The following USP15 variants were observed in gnomAD, a reference collection of about 807,000 sequenced individuals.
USP15 encodes the protein ubiquitin carboxyl-terminal hydrolase 15.
Under a neutral mutation model 127.1 loss-of-function variants are expected in USP15, and 18 were observed. The ratio of observed to expected loss-of-function variants is 0.14; its 90% confidence interval spans 0.10 to 0.21. The LOEUF (loss-of-function observed/expected upper bound fraction) is 0.21. Among genes scored for constraint, USP15 ranks in the 10% least tolerant of loss-of-function variants. USP15 has a pLI of 1.00. For missense variants in USP15, 805 were observed against 1,159.9 expected (o/e 0.69, Z 4.44); for synonymous variants, 364 against 393.7 (o/e 0.92, Z 0.89).
chr12:62,337,329 GAA>G (rs1268291173), intron 6 of USP15, among the ~76,000 whole-genome samples: 1 of 152,062 alleles, frequency 6.6e-6, no homozygotes, highest in African/African-American at 2.4e-5. Flanking sequence ...ATTTACAAAA[GAA>G]AGAGGTTTAT....
chr12:62,358,566 AT>A (rs1158520358), intron 8 of USP15, among the ~76,000 whole-genome samples: 1 of 152,056 alleles, frequency 6.6e-6, no homozygotes, highest in Non-Finnish European at 1.5e-5. Flanking sequence ...AAATACAAAA[AT>A]TAGCCGGGCA....
chr12:62,299,548 C>G (rs2064242590), intron 2 of USP15, among the ~76,000 whole-genome samples: 1 of 152,170 alleles, frequency 6.6e-6, no homozygotes, highest in African/African-American at 2.4e-5. Flanking sequence ...TGCACATTTA[C>G]TTTATGCACT....
intron 8 of USP15, among the ~76,000 whole-genome samples, chr12:62,370,614 C>G (rs1300017068): frequency 6.6e-6 from 1 of 152,190 alleles, no homozygotes; most frequent in Non-Finnish European, 1.5e-5. Flanking sequence ...GTTATCATTA[C>G]TGTTGTCATG....
At chr12:62,335,863 G>T (rs150333027) in intron 6 of USP15, 1 of 985,318 alleles carries the variant, frequency 1.0e-6, no homozygotes, top group African/African-American at 1.7e-5. Context: ...ATCTTCTAAA[G>T]AAATTCTCTG....
intron 6 of USP15, among the ~76,000 whole-genome samples, chr12:62,332,908 A>G (rs1353708533): frequency 6.6e-6 from 1 of 152,114 alleles, no homozygotes; most frequent in Non-Finnish European, 1.5e-5. Context: ...GCTTGGAGAG[A>G]GGAAGAACTT....
In USP15 at chr12:62,408,109, TTATAAAA is replaced by T. The variant is rs2067931713; in HGVS notation, c.*3737_*3743del. 1 of 152,106 alleles carries T rather than the reference TTATAAAA, an allele frequency of 6.6e-6. No homozygotes were observed. Among genetic ancestry groups the T allele is most frequent in the Non-Finnish European group, 1.5e-5 (1 of 68,026 alleles). 9.4% of individuals were successfully genotyped at this position (152,106 alleles called of 1,614,324 possible). ...CTAATTTGATTGAAGTGAGTTTATC[TTATAAAA>T]TAAGCCGGGAGACTGAAATGGAGTC... On this transcript the variant is annotated 3_prime_UTR_variant, in exon 22 of 22. Transcript: ENST00000280377.
At position 62,409,095 on chromosome 12, in the gene USP15, A is replaced by C. The variant is rs2067971422; in HGVS notation, c.*4720A>C. On this transcript the variant is annotated 3_prime_UTR_variant, in exon 22 of 22. Transcript: ENST00000280377. ...ACTAATGATGGGGTAAAGAATTTTT[A>C]AATGGATAATATAAAACAGACAGTT... The C allele has an allele frequency of 6.6e-6, 1 of 152,202 alleles. No homozygotes were observed. The highest frequency in any genetic ancestry group is 1.5e-5 in the Non-Finnish European group (1 of 68,020). 9.4% of individuals were successfully genotyped at this position (152,202 alleles called of 1,614,324 possible).
intron 6 of USP15, among the ~76,000 whole-genome samples, chr12:62,342,595 G>A (rs184802414): frequency 1.1e-4 from 17 of 152,138 alleles, no homozygotes; most frequent in Non-Finnish European, 1.6e-4. Context: ...TTTTTATTGG[G>A]GGGTCTTTTT....
At chr12:62,310,402 G>A (rs2137232566) in intron 3 of USP15, among the ~76,000 whole-genome samples, 2 of 151,698 alleles carry the variant, frequency 1.3e-5, no homozygotes, top group East Asian at 3.9e-4. Flanking sequence ...ATCCTTCCCA[G>A]TGTCTGTTAT....
intron 6 of USP15, chr12:62,335,242 G>A: frequency 6.5e-7 from 1 of 1,534,196 alleles, no homozygotes; most frequent in East Asian, 2.4e-5. Flanking sequence ...AAGGGCTCTG[G>A]TTATCATCCA....
chr12:62,387,492 A>G (rs2067189303), intron 11 of USP15, among the ~76,000 whole-genome samples: 1 of 152,200 alleles, frequency 6.6e-6, no homozygotes. Context: ...GAATATGATC[A>G]CAGCAATAGA....
intron 1 of USP15, among the ~76,000 whole-genome samples, chr12:62,289,739 T>TG: frequency 1.5e-5 from 1 of 65,360 alleles, no homozygotes; most frequent in Admixed American, 1.4e-4. Flanking sequence ...GTGTGTGTGT[T>TG]TAGACAGCAG....
intron 20 of USP15, among the ~76,000 whole-genome samples, chr12:62,400,234 T>G (rs923787061): frequency 4.6e-5 from 7 of 152,174 alleles, no homozygotes; most frequent in African/African-American, 1.2e-4. Context: ...TTAAAAATTA[T>G]GTGGATTAAT....
At chr12:62,350,152 A>C (rs2065926253) in intron 7 of USP15, among the ~76,000 whole-genome samples, 1 of 151,926 alleles carries the variant, frequency 6.6e-6, no homozygotes. Flanking sequence ...CTAATCAAAA[A>C]TTTTAGTATT....
At position 62,343,519 on chromosome 12, in the gene USP15, G is replaced by A. The variant is rs140128081; in HGVS notation, c.684-5702G>A. ...CAAACAGCCACCCAGTTTTGTGCTTGAAACCCAGGGCCCTGGTGGTGTAGG... is the reference window on the plus strand; with the variant it reads ...CAAACAGCCACCCAGTTTTGTGCTTAAAACCCAGGGCCCTGGTGGTGTAGG... On this transcript the variant is annotated intron_variant, in intron 6 of 21. Transcript: ENST00000280377. Among the ~76,000 whole-genome samples the A allele has an allele frequency of 1.1e-3, 172 of 152,326 alleles. 1 individual carries two copies. The East Asian group carries it at 0.02, about 17-fold the overall frequency.
Position 62,370,244 on chromosome 12 carries a change from T to A in USP15, c.916-11246T>A, listed in dbSNP as rs564777297. Among the ~76,000 whole-genome samples, 3 of 152,320 alleles carry A rather than the reference T, an allele frequency of 2.0e-5. No homozygotes were observed. The East Asian group carries it at 5.8e-4, about 29-fold the overall frequency. On this transcript the variant is annotated intron_variant, in intron 8 of 21. Transcript: ENST00000280377. ...CCACGCCTGGCCTTGTTTTATACTTTTAACCTCACCTCTTCACTGTCTTTC... is the reference window on the plus strand; with the variant it reads ...CCACGCCTGGCCTTGTTTTATACTTATAACCTCACCTCTTCACTGTCTTTC...
intron 1 of USP15, among the ~76,000 whole-genome samples, chr12:62,265,522 T>C (rs796626558): frequency 9.2e-5 from 14 of 152,322 alleles, no homozygotes; most frequent in African/African-American, 3.1e-4. Flanking sequence ...CTTAAAGCAC[T>C]GTACCACATT....
intron 8 of USP15, among the ~76,000 whole-genome samples, chr12:62,375,140 G>A (rs1051449677): frequency 2.0e-5 from 3 of 152,084 alleles, no homozygotes; most frequent in Non-Finnish European, 2.9e-5. Flanking sequence ...TGTCTGCTTC[G>A]AGGTTGAAGA....
At chr12:62,333,363 C>T (rs1304076729) in intron 6 of USP15, among the ~76,000 whole-genome samples, 5 of 152,142 alleles carry the variant, frequency 3.3e-5, no homozygotes, top group Non-Finnish European at 7.4e-5. Flanking sequence ...AATTCCCAGG[C>T]TCAGGTGATC....
Sources: allele counts gnomAD v4.1 joint callset (sites outside exome capture counted in the v4.1 genomes callset), GRCh38; gene constraint gnomAD v4.1.1; transcripts MANE v1.5; gene names NCBI Gene and HGNC (gene_info 2026-07-23, HGNC 2026-07-21).